CCDC68: variants seen among roughly 807,000 people sequenced by gnomAD.
The protein encoded by CCDC68 is coiled-coil domain-containing protein 68.
A neutral mutation model predicts 47.1 loss-of-function variants in CCDC68; 45 were observed. The observed-to-expected ratio is 0.96, with a 90% CI of 0.75 to 1.23. The LOEUF is 1.23. Ranked by LOEUF, CCDC68 falls within the 50% of genes most tolerant of loss-of-function variation. The probability of loss-of-function intolerance (pLI) is 0.00; values close to 1 mark genes in which losing one functional copy is unlikely to be tolerated. For missense variants in CCDC68, 353 were observed against 373.6 expected (o/e 0.94, Z 0.45); for synonymous variants, 131 against 129.5 (o/e 1.01, Z -0.08).
At chr18:54,904,472 G>T in intron 11 of CCDC68, 57 bp from the exon 12 acceptor site, 1 of 1,350,634 alleles carries the variant, frequency 7.4e-7, no homozygotes, top group Non-Finnish European at 1.1e-6. Flanking sequence ...TAGTGATTAT[G>T]GCTAGACTAC....
chr18:54,958,137 CGGCCTTATGACGTT>C (rs1462169704), intron 1 of CCDC68: 1 of 152,210 alleles, frequency 6.6e-6, no homozygotes, highest in Non-Finnish European at 1.5e-5. Context: ...CTTATGACGT[CGGCCTTATGACGTT>C]GGCCTGGGTC....
intron 11 of CCDC68, among the ~76,000 whole-genome samples, chr18:54,906,182 A>AC (rs5825104): frequency 0.98 from 149,437 of 152,140 alleles, 73,468 homozygotes; most frequent in East Asian, 1. Flanking sequence ...ATGAAACTGG[A>AC]CCCTGGTTCC....
intron 11 of CCDC68, among the ~76,000 whole-genome samples, chr18:54,906,360 TTAAC>T (rs750607584): frequency 5.9e-5 from 9 of 152,144 alleles, no homozygotes; most frequent in Non-Finnish European, 1.0e-4. Flanking sequence ...CAGTAAACCT[TTAAC>T]TATTAATTAG....
At chr18:54,909,600 G>T (rs925709666) in intron 10 of CCDC68, among the ~76,000 whole-genome samples, 1 of 152,228 alleles carries the variant, frequency 6.6e-6, no homozygotes, top group African/African-American at 2.4e-5. Flanking sequence ...TGTCAAGGGC[G>T]AGTCAGGTGT....
chr18:54,904,463 A>G (rs751870837), intron 11 of CCDC68, 48 bp from the exon 12 acceptor site: 5 of 1,456,342 alleles, frequency 3.4e-6, no homozygotes, highest in Middle Eastern at 3.5e-4. Flanking sequence ...GTTAAACTCT[A>G]GTGATTATGG....
At chr18:54,943,427 A>T (rs2044471001) in intron 2 of CCDC68, among the ~76,000 whole-genome samples, 1 of 152,218 alleles carries the variant, frequency 6.6e-6, no homozygotes, top group Non-Finnish European at 1.5e-5. Context: ...TGGAAGGAAG[A>T]AATCTGTGTC....
intron 1 of CCDC68, among the ~76,000 whole-genome samples, chr18:54,948,863 G>A (rs987288445): frequency 6.6e-6 from 1 of 152,280 alleles, no homozygotes. Context: ...CTGAGGAGGT[G>A]GTATTTGAGC....
chr18:54,916,340 G>A (rs866365961), intron 10 of CCDC68, among the ~76,000 whole-genome samples: 37 of 152,138 alleles, frequency 2.4e-4, no homozygotes, highest in Middle Eastern at 3.4e-3. Flanking sequence ...TGGAAAATGA[G>A]GCCACAAAAA....
intron 1 of CCDC68, among the ~76,000 whole-genome samples, chr18:54,958,563 G>T (rs2044750963): frequency 6.6e-6 from 1 of 152,066 alleles, no homozygotes; most frequent in African/African-American, 2.4e-5. Flanking sequence ...AGAATATAAT[G>T]GGGAGCAGGT....
Position 54,942,780 on chromosome 18 carries a change from C to T in CCDC68, c.12G>A (p.Val4=), listed in dbSNP as rs755350554. Residue 4 remains valine (V), a synonymous_variant, in exon 3 of 12, where the codon GTG becomes GTA. Coordinates refer to ENST00000591504, the MANE Select transcript of CCDC68 (RefSeq NM_025214.3). MTT[V]TVTTEIPPRD... is the part of the protein sequence containing the mutation. ...TTGGGGGAATTTCTGTGGTCACTGT[C>T]ACTGTTGTCATTGTGAATTCTGGCT... 5 of 1,602,814 alleles carry T rather than the reference C, an allele frequency of 3.1e-6. No individual in the cohort carries two copies. The highest frequency in any genetic ancestry group is 4.3e-6 in the Non-Finnish European group (5 of 1,170,892).
chr18:54,901,932 A>G lies in CCDC68; in HGVS notation c.*2426T>C, dbSNP rs1021286282. The G allele has an allele frequency of 6.6e-6, 1 of 151,964 alleles. No homozygotes were observed. The highest frequency in any genetic ancestry group is 2.1e-4 in the South Asian group (1 of 4,814). The allele number at this position is 151,964 out of a possible 1,614,324, so 9.4% of individuals were successfully genotyped here. A position where few individuals can be genotyped will look rare whatever the true frequency, so the allele number is the denominator to read the frequency against. ...AAATATTTCAAATGATAATTTTATG[A>G]TAGTGGATATAGGAAACAATCCATA... On this transcript the variant is annotated 3_prime_UTR_variant, in exon 12 of 12. Coordinates refer to ENST00000591504, the MANE Select transcript of CCDC68 (RefSeq NM_025214.3).
rs141850798 is a variant in CCDC68, at chr18:54,940,864, A to G, written c.204+133T>C. 1.3e-3 allele frequency: 798 copies of G among 630,900 alleles called. 9 individuals are homozygous for G. In the African/African-American group the frequency reaches 0.013, roughly 10 times the overall value. The allele number at this position is 630,900 out of a possible 1,614,324, so 39.1% of individuals were successfully genotyped here. ...GGTTAAACATTTCACACATATGGCC[A>G]TTAACGTCTTTAGATATGCATGAAA... On this transcript the variant is annotated intron_variant, in intron 4 of 11. Coordinates refer to ENST00000591504, the MANE Select transcript of CCDC68 (RefSeq NM_025214.3).
chr18:54,945,347 T>C (rs2044507978), intron 2 of CCDC68, 41 bp downstream of exon 2: 1 of 152,140 alleles, frequency 6.6e-6, no homozygotes, highest in Admixed American at 6.5e-5. Context: ...ATGTTACTGA[T>C]AAGAAGCCAA....
intron 7 of CCDC68, 115 bp from the exon 8 acceptor site, chr18:54,928,997 G>T: frequency 1.5e-6 from 1 of 654,420 alleles, no homozygotes; most frequent in Non-Finnish European, 2.7e-6. Flanking sequence ...CACATGTGCT[G>T]TTACTCCTCA....
At chr18:54,918,878 C>T (rs1599038345) in intron 9 of CCDC68, among the ~76,000 whole-genome samples, 1 of 152,162 alleles carries the variant, frequency 6.6e-6, no homozygotes, top group East Asian at 1.9e-4. Flanking sequence ...GGCCAGGCTA[C>T]ACCCCTATCC....
At chr18:54,950,469 G>A (rs1021848068) in intron 1 of CCDC68, among the ~76,000 whole-genome samples, 15 of 96,386 alleles carry the variant, frequency 1.6e-4, no homozygotes, top group Non-Finnish European at 2.8e-4. Context: ...ATCTGAAAAC[G>A]AGCACAGTAT....
At chr18:54,915,992 T>C (rs767310575) in intron 10 of CCDC68, among the ~76,000 whole-genome samples, 3 of 152,098 alleles carry the variant, frequency 2.0e-5, no homozygotes, top group Non-Finnish European at 4.4e-5. Flanking sequence ...AGAAAAAATA[T>C]TTTATCAAGT....
intron 7 of CCDC68, among the ~76,000 whole-genome samples, chr18:54,930,146 A>G (rs2044217527): frequency 6.6e-6 from 1 of 152,226 alleles, no homozygotes; most frequent in African/African-American, 2.4e-5. Flanking sequence ...TAGTACTCCT[A>G]TACTATTTTT....
At chr18:54,935,310 GT>G (rs1296452809) in intron 6 of CCDC68, among the ~76,000 whole-genome samples, 2 of 152,106 alleles carry the variant, frequency 1.3e-5, no homozygotes, top group African/African-American at 2.4e-5. Context: ...ATTAAAACAC[GT>G]TTTATGTTTA....
Sources: gnomAD v4.1 joint callset for allele counts (sites outside exome capture counted in the v4.1 genomes callset) on GRCh38, gnomAD v4.1.1 for gene constraint, MANE v1.5 for transcripts, NCBI Gene and HGNC (gene_info 2026-07-23, HGNC 2026-07-21) for gene names.